The following NCKAP5 variants were observed in gnomAD, a reference collection of about 807,000 sequenced individuals.
NCKAP5 encodes the protein NCK associated protein 5.
Under a neutral mutation model 167.0 loss-of-function variants are expected in NCKAP5, and 92 were observed. That is an observed-to-expected ratio of 0.55 (90% CI 0.47 to 0.66). The LOEUF (loss-of-function observed/expected upper bound fraction) is 0.66. NCKAP5 is among the 30% of genes least tolerant of loss of function. The probability of loss-of-function intolerance (pLI) is 0.00; values close to 1 mark genes in which losing one functional copy is unlikely to be tolerated. For missense variants in NCKAP5, 2,378 were observed against 2,315.0 expected, an observed-to-expected ratio of 1.03 and a Z score of -0.56; for synonymous variants, 891 against 877.4, an observed-to-expected ratio of 1.02 and a Z score of -0.27.
intron 6 of NCKAP5, among the ~76,000 whole-genome samples, chr2:133,004,855 T>C (rs2077907633): frequency 6.6e-6 from 1 of 152,130 alleles, no homozygotes; most frequent in Admixed American, 6.6e-5. Flanking sequence ...AGAGCAGCCA[T>C]TTTAGAGACC....
intron 11 of NCKAP5, among the ~76,000 whole-genome samples, chr2:132,852,006 C>T (rs982418397): frequency 3.9e-5 from 6 of 152,168 alleles, no homozygotes; most frequent in Non-Finnish European, 8.8e-5. Context: ...CCATGATTTC[C>T]AGCGCCAAGA....
chr2:133,262,106 G>A (rs981196656), intron 4 of NCKAP5, among the ~76,000 whole-genome samples: 25 of 152,122 alleles, frequency 1.6e-4, no homozygotes, highest in African/African-American at 5.1e-4. Context: ...GCCCTAATAT[G>A]TGTTAGATTT....
chr2:133,065,958 G>A (rs958664758), intron 6 of NCKAP5, among the ~76,000 whole-genome samples: 1 of 152,160 alleles, frequency 6.6e-6, no homozygotes, highest in South Asian at 2.1e-4. Context: ...CATCTTAATG[G>A]GAACTGCTAA....
In NCKAP5 at chr2:132,782,108, A is replaced by C; in HGVS notation, c.4703T>G (p.Leu1568Arg). The C allele has an allele frequency of 6.2e-7, 1 of 1,613,922 alleles. No individual in the cohort carries two copies. The highest frequency in any genetic ancestry group is 8.5e-7 in the Non-Finnish European group (1 of 1,179,870). ...PELQCETENELIKDTKSADNP... is the reference protein window; with the variant it reads ...PELQCETENERIKDTKSADNP... ...ATCTGCTGACTTGGTGTCCTTGATAAGCTCATTTTCTGTCTCACACTGTAG... is the reference window on the plus strand; with the variant it reads ...ATCTGCTGACTTGGTGTCCTTGATACGCTCATTTTCTGTCTCACACTGTAG... The change falls in exon 14 of 20, where the codon CTT becomes CGT. Residue 1568 changes from leucine (L) to arginine (R), a missense_variant. Transcript: ENST00000409261.
At chr2:132,695,373 G>A (rs1284552095) in intron 19 of NCKAP5, among the ~76,000 whole-genome samples, 2 of 152,130 alleles carry the variant, frequency 1.3e-5, no homozygotes, top group East Asian at 1.9e-4. Context: ...GTTGAGAGTG[G>A]CACCTGGTTC....
At position 133,039,764 on chromosome 2, in the gene NCKAP5, A is replaced by G. The variant is rs181124590; in HGVS notation, c.342-45525T>C. ...CCCCAGAACTTCTGATTCTGACTCA[A>G]CAAGCACTCCCTAAGCAATTCTGCT... On this transcript the variant is annotated intron_variant, in intron 6 of 19. Transcript: ENST00000409261. Among the ~76,000 whole-genome samples, 141 of 152,294 alleles carry G rather than the reference A, an allele frequency of 9.3e-4. 1 individual carries two copies. Among genetic ancestry groups the G allele is most frequent in the African/African-American group, 3.2e-3 (135 of 41,568 alleles).
chr2:133,472,962 T>A (rs1679481644), intron 3 of NCKAP5, among the ~76,000 whole-genome samples: 1 of 152,220 alleles, frequency 6.6e-6, no homozygotes, highest in Non-Finnish European at 1.5e-5. Flanking sequence ...ATAAAGATGA[T>A]AATTGTTACC....
intron 8 of NCKAP5, among the ~76,000 whole-genome samples, chr2:132,951,250 A>G (rs2149145477): frequency 6.6e-6 from 1 of 152,310 alleles, no homozygotes; most frequent in Non-Finnish European, 1.5e-5. Flanking sequence ...AGGGAGGCTG[A>G]GCCTGCCCTG....
At chr2:133,247,181 A>G (rs1351145860) in intron 4 of NCKAP5, among the ~76,000 whole-genome samples, 1 of 152,188 alleles carries the variant, frequency 6.6e-6, no homozygotes, top group Non-Finnish European at 1.5e-5. Flanking sequence ...ATAACTGGCA[A>G]TTTGGGGCAG....
chr2:133,193,141 C>G (rs2085298608), intron 5 of NCKAP5, among the ~76,000 whole-genome samples: 1 of 152,002 alleles, frequency 6.6e-6, no homozygotes, highest in Non-Finnish European at 1.5e-5. Context: ...AGAAAAAAGA[C>G]AATTCCAAAA....
chr2:133,488,147 T>C (rs1373423732), intron 3 of NCKAP5, among the ~76,000 whole-genome samples: 4 of 152,248 alleles, frequency 2.6e-5, no homozygotes, highest in Non-Finnish European at 4.4e-5. Flanking sequence ...TAGCACAGAT[T>C]AAGTGCTTAA....
chr2:133,479,533 C>T (rs1031968513), intron 3 of NCKAP5, among the ~76,000 whole-genome samples: 5 of 152,312 alleles, frequency 3.3e-5, no homozygotes, highest in African/African-American at 1.2e-4. Context: ...ATGATAAATG[C>T]TCCAGGTGAT....
chr2:133,667,815 T>C, the NCKAP5 span, among the ~76,000 whole-genome samples: 146 of 152,098 alleles, frequency 9.6e-4, 1 homozygote, highest in African/African-American at 3.4e-3. Context: ...AATTTTCCTT[T>C]TCAAAGAGCA....
the NCKAP5 span, among the ~76,000 whole-genome samples, chr2:133,642,348 C>T: frequency 3.9e-5 from 6 of 152,134 alleles, no homozygotes; most frequent in African/African-American, 1.4e-4. Flanking sequence ...AAGTAACATC[C>T]AAACCATAGC....
chr2:133,317,804 G>A (rs1031649986), intron 3 of NCKAP5, among the ~76,000 whole-genome samples: 1 of 152,158 alleles, frequency 6.6e-6, no homozygotes, highest in Non-Finnish European at 1.5e-5. Context: ...CTGGTATAAT[G>A]GGTATAGGTG....
intron 19 of NCKAP5, among the ~76,000 whole-genome samples, chr2:132,680,692 T>C (rs1194642079): frequency 1.3e-5 from 2 of 151,902 alleles, no homozygotes; most frequent in Admixed American, 1.3e-4. Context: ...TCCCCATATA[T>C]GGAAAACGGG....
chr2:133,172,503 C>T (rs2149995991), intron 5 of NCKAP5, among the ~76,000 whole-genome samples: 1 of 152,364 alleles, frequency 6.6e-6, no homozygotes, highest in South Asian at 2.1e-4. Flanking sequence ...CTGAGTTTCA[C>T]TCTTGTTGCC....
At chr2:133,176,584 G>A (rs1478739582) in intron 5 of NCKAP5, among the ~76,000 whole-genome samples, 2 of 152,120 alleles carry the variant, frequency 1.3e-5, no homozygotes, top group South Asian at 4.2e-4. Flanking sequence ...TTAAAACTGC[G>A]TAACAACAAC....
chr2:132,738,256 G>A (rs1313148857), intron 16 of NCKAP5, among the ~76,000 whole-genome samples: 1 of 152,070 alleles, frequency 6.6e-6, no homozygotes, highest in Non-Finnish European at 1.5e-5. Flanking sequence ...AAAGTCCTTG[G>A]GACAAGAATG....
Sources: gnomAD v4.1 joint callset for allele counts (sites outside exome capture counted in the v4.1 genomes callset) on GRCh38, gnomAD v4.1.1 for gene constraint, MANE v1.5 for transcripts, NCBI Gene and HGNC (gene_info 2026-07-23, HGNC 2026-07-21) for gene names.